The following TTLL3 variants were observed in gnomAD, a reference collection of about 807,000 sequenced individuals.
TTLL3 encodes tubulin tyrosine ligase like 3.
Under a neutral mutation model 75.2 loss-of-function variants are expected in TTLL3, and 63 were observed. That is an observed-to-expected ratio of 0.84 (90% CI 0.68 to 1.03). The LOEUF (loss-of-function observed/expected upper bound fraction) is 1.03, where lower values mean the gene tolerates loss of function less well. Among genes scored for constraint, TTLL3 ranks in the 50% least tolerant of loss-of-function variants. The pLI is 0.00. For synonymous variants in TTLL3, 393 were observed against 418.5 expected, an observed-to-expected ratio of 0.94 and a Z score of 0.74; for missense variants, 997 against 1,069.9, an observed-to-expected ratio of 0.93 and a Z score of 0.95.
Position 9,813,107 on chromosome 3 carries a change from G to A in TTLL3, c.213G>A (p.Glu71=). ...CGATGGGTGACAGTGACACCACTGA[G>A]GATGGTGAGTGGTTCCTTCCCTTTC... is the stretch of plus-strand genomic sequence containing the variant. The part of the protein sequence containing the change: ...SSAMGDSDTT[E]DEDEDEDEEF... The change falls in exon 3 of 14, where the codon GAG becomes GAA. Residue 71 remains glutamate, a synonymous_variant. Coordinates refer to ENST00000685419, the MANE Select transcript of TTLL3 (RefSeq NM_001387446.1). The A allele has an allele frequency of 6.3e-7, 1 of 1,583,726 alleles. No homozygotes were observed. The highest frequency in any genetic ancestry group is 1.7e-4 in the Middle Eastern group (1 of 5,910).
intron 9 of TTLL3, among the ~76,000 whole-genome samples, chr3:9,826,599 G>A (rs1326547509): frequency 6.6e-6 from 1 of 151,904 alleles, no homozygotes; most frequent in Non-Finnish European, 1.5e-5. Context: ...CACGTGTGGT[G>A]GCAGGCACCC....
intron 11 of TTLL3, among the ~76,000 whole-genome samples, chr3:9,832,619 C>T (rs1405832693): frequency 2.0e-5 from 3 of 152,180 alleles, no homozygotes; most frequent in East Asian, 1.9e-4. Flanking sequence ...TCTGCATATT[C>T]GTTACTTCAT....
At chr3:9,814,270 A>T (rs906717068) in intron 4 of TTLL3, among the ~76,000 whole-genome samples, 1 of 152,100 alleles carries the variant, frequency 6.6e-6, no homozygotes, top group Non-Finnish European at 1.5e-5. Flanking sequence ...CAGGAGGTGG[A>T]AGTTGCAGTG....
chr3:9,819,760 A>G, intron 7 of TTLL3: 1 of 985,304 alleles, frequency 1.0e-6, no homozygotes, highest in Non-Finnish European at 1.2e-6. Context: ...AAGGAGGAAA[A>G]TCCCTGCCTC....
At chr3:9,825,619 A>T (rs2080957836) in intron 8 of TTLL3, 181 bp from the exon 9 acceptor site, 1 of 1,093,060 alleles carries the variant, frequency 9.1e-7, no homozygotes, top group Non-Finnish European at 1.3e-6. Flanking sequence ...GCAGGTTAGG[A>T]TTTCCGGGGT....
rs756652188 is a variant in TTLL3 at position 9,816,109 on chromosome 3, C to T, written c.351C>T (p.Ile117=). The change falls in exon 5 of 14, where the codon ATC becomes ATT. Residue 117 remains isoleucine, a synonymous_variant. Transcript: ENST00000685419. ...TCCAGAATGAGATCCCCTACTTCATCTGGACCACTCGGCGGGATGTGCTCG... is the reference window on the plus strand; with the variant it reads ...TCCAGAATGAGATCCCCTACTTCATTTGGACCACTCGGCGGGATGTGCTCG... The part of the protein sequence containing the change: ...RMVQNEIPYF[I]WTTRRDVLDC... 1.9e-5 allele frequency: 26 copies of T among 1,351,442 alleles called. No homozygotes were observed. The highest frequency in any genetic ancestry group is 2.5e-5 in the Non-Finnish European group (25 of 1,014,624). 83.7% of individuals were successfully genotyped at this position (1,351,442 alleles called of 1,614,324 possible). A position where few individuals can be genotyped will look rare whatever the true frequency, so the allele number is the denominator to read the frequency against.
chr3:9,831,885 G>A (rs1223610910), intron 11 of TTLL3, among the ~76,000 whole-genome samples: 2 of 143,614 alleles, frequency 1.4e-5, no homozygotes, highest in Admixed American at 7.3e-5. Flanking sequence ...TGCAACCTCC[G>A]CCTCCCGGAT....
At position 9,823,674 on chromosome 3, in the gene TTLL3, G is replaced by T. The variant is rs17050586; in HGVS notation, c.855-2126G>T. On this transcript the variant is annotated intron_variant, in intron 8 of 13. Coordinates refer to ENST00000685419, the MANE Select transcript of TTLL3 (RefSeq NM_001387446.1). ...GAGTACTCCTGGGAGACCTTGCCTAGCCCCCTGCATCTGGCTGTCCCTGTT... is the reference window on the plus strand; with the variant it reads ...GAGTACTCCTGGGAGACCTTGCCTATCCCCCTGCATCTGGCTGTCCCTGTT... 5.9e-3 allele frequency among the ~76,000 whole-genome samples: 903 copies of T among 152,204 alleles called. 12 individuals carry two copies. Among genetic ancestry groups the T allele is most frequent in the South Asian group, 0.047 (225 of 4,822 alleles).
At position 9,818,870 on chromosome 3, in the gene TTLL3, A is replaced by T. The variant is rs984948688; in HGVS notation, c.608A>T (p.Lys203Met). 5 of 1,614,062 alleles carry T rather than the reference A, an allele frequency of 3.1e-6. No individual in the cohort carries two copies. In the Admixed American group the frequency reaches 8.3e-5, roughly 27 times the overall value. The change falls in exon 7 of 14, where the codon AAG becomes ATG. Residue 203 changes from lysine (K) to methionine (M), a missense_variant. Coordinates refer to ENST00000685419, the MANE Select transcript of TTLL3 (RefSeq NM_001387446.1). ...CGCAACGTTCTCAAGCTGGTGGTGA[A>T]GTCTGAGTGGAAGTCATACCCTATT... Reference protein sequence around the residue: ...AARNVLKLVVKSEWKSYPIQA... With the variant: ...AARNVLKLVVMSEWKSYPIQA...
Position 9,810,291 on chromosome 3 carries a change from C to T in TTLL3, c.-145C>T, listed in dbSNP as rs1379714999. ...CCGCCCCTGCGCGCCGCCTCAGCGGCGCCTTCAAGACGCTGGTCCCAGGCA... is the reference window on the plus strand; with the variant it reads ...CCGCCCCTGCGCGCCGCCTCAGCGGTGCCTTCAAGACGCTGGTCCCAGGCA... On this transcript the variant is annotated 5_prime_UTR_variant, in exon 1 of 14. Transcript: ENST00000685419. This position sits in a 1 kb window ranked among gnomAD's most constrained non-coding sequence, Gnocchi z 4.4. The T allele has an allele frequency of 1.3e-6, 2 of 1,500,440 alleles. No individual in the cohort carries two copies. Among genetic ancestry groups the T allele is most frequent in the South Asian group, 1.2e-5 (1 of 80,470 alleles). The allele number at this position is 1,500,440 out of a possible 1,614,324, so 92.9% of individuals were successfully genotyped here.
Position 9,835,328 on chromosome 3 carries a change from C to A in TTLL3, c.2287C>A (p.Leu763Ile). The change falls in exon 14 of 14, where the codon CTA (leucine) becomes ATA (isoleucine). Residue 763 changes from leucine to isoleucine, a missense_variant. Transcript: ENST00000685419. ...GCGCAGGGGCCTGGGGGATATGAAG[C>A]TAGGGAAGCCCCTGCTTCGATTCCC... The part of the protein sequence containing the change: ...QRRRGLGDMK[L>I]GKPLLRFPTA... 1 of 1,614,164 alleles carries A rather than the reference C, an allele frequency of 6.2e-7. No homozygotes were observed. The highest frequency in any genetic ancestry group is 8.5e-7 in the Non-Finnish European group (1 of 1,180,010).
At chr3:9,824,340 G>C (rs1025079049) in intron 8 of TTLL3, among the ~76,000 whole-genome samples, 11 of 152,244 alleles carry the variant, frequency 7.2e-5, no homozygotes, top group Non-Finnish European at 1.2e-4. Flanking sequence ...GACAGAGTTT[G>C]AATCCTGGCT....
chr3:9,819,673 G>GT, intron 7 of TTLL3: 1 of 985,554 alleles, frequency 1.0e-6, no homozygotes, highest in Non-Finnish European at 1.2e-6. Context: ...GATTTAGCTC[G>GT]TGTCTCCAGG....
At chr3:9,821,210 G>A (rs2080381200) in intron 8 of TTLL3, among the ~76,000 whole-genome samples, 1 of 152,152 alleles carries the variant, frequency 6.6e-6, no homozygotes, top group Admixed American at 6.5e-5. Flanking sequence ...CAAGCATCCT[G>A]AGGGGCAGTG....
chr3:9,817,888 C>G, intron 6 of TTLL3, 129 bp downstream of exon 6: 1 of 1,231,326 alleles, frequency 8.1e-7, no homozygotes, highest in Non-Finnish European at 1.1e-6. Context: ...ATTTCCCTTT[C>G]CACCCTCAAT....
chr3:9,825,094 G>A (rs1172193350), intron 8 of TTLL3, among the ~76,000 whole-genome samples: 2 of 152,158 alleles, frequency 1.3e-5, no homozygotes, highest in Non-Finnish European at 2.9e-5. Context: ...GCTCATGCCT[G>A]CAATCCCAGC....
intron 9 of TTLL3, 81 bp from the exon 10 acceptor site, chr3:9,826,916 G>C: frequency 3.8e-6 from 6 of 1,590,770 alleles, no homozygotes; most frequent in South Asian, 1.2e-5. Context: ...AGCTCCGAGG[G>C]GACAAGAGCT....
chr3:9,814,533 A>C (rs2079644807), intron 4 of TTLL3, among the ~76,000 whole-genome samples: 1 of 151,938 alleles, frequency 6.6e-6, no homozygotes, highest in Admixed American at 6.6e-5. Flanking sequence ...CTGTAATCAC[A>C]GCTACTTGGG....
At chr3:9,826,013 G>A in intron 9 of TTLL3, 65 bp downstream of exon 9, 1 of 1,577,834 alleles carries the variant, frequency 6.3e-7, no homozygotes, top group African/African-American at 1.3e-5. Context: ...TAGAGGCCAA[G>A]GAAGTTAATA....
Sources: gnomAD v4.1 joint callset for allele counts (sites outside exome capture counted in the v4.1 genomes callset) on GRCh38, gnomAD v4.1.1 for gene constraint, Gnocchi (gnomAD v3.1) non-coding constraint, MANE v1.5 for transcripts, NCBI Gene and HGNC (gene_info 2026-07-23, HGNC 2026-07-21) for gene names.